The following RGS6 variants were observed in gnomAD, a reference collection of about 807,000 sequenced individuals.
The protein encoded by RGS6 is regulator of G-protein signaling 6.
Under a neutral mutation model 78.5 loss-of-function variants are expected in RGS6, and 30 were observed. That is an observed-to-expected ratio of 0.38 (90% confidence interval 0.29 to 0.52). The LOEUF is 0.52. Among genes scored for constraint, RGS6 ranks in the 20% least tolerant of loss-of-function variants. The pLI is 0.85. For synonymous variants in RGS6, 206 were observed against 206.0 expected (o/e 1.00, Z 0.00); for missense variants, 495 against 609.7 (o/e 0.81, Z 1.98).
Position 72,518,586 on chromosome 14 carries a change from T to A in RGS6, c.1278+49T>A. ...TGTCATAAGGTGTTCATTTGTCCCCTTCATTGCCTGACCTATTAACACAAG... is the reference window on the plus strand; with the variant it reads ...TGTCATAAGGTGTTCATTTGTCCCCATCATTGCCTGACCTATTAACACAAG... On this transcript the variant is annotated intron_variant, in intron 15 of 17. Transcript: ENST00000553525. The A allele has an allele frequency of 2.6e-6, 4 of 1,542,334 alleles. No homozygotes were observed. The East Asian group carries it at 9.1e-5, about 35-fold the overall frequency.
chr14:72,607,770 AG>A, the RGS6 span, among the ~76,000 whole-genome samples: 10 of 152,150 alleles, frequency 6.6e-5, no homozygotes, highest in African/African-American at 9.7e-5. Flanking sequence ...CTTTGGGTGA[AG>A]GCCTGGCCTT....
At chr14:72,239,159 ATGC>A (rs1464112477) in intron 2 of RGS6, among the ~76,000 whole-genome samples, 1 of 152,190 alleles carries the variant, frequency 6.6e-6, no homozygotes, top group African/African-American at 2.4e-5. Flanking sequence ...TTTAACGGTG[ATGC>A]TAGGACTTTC....
chr14:72,623,073 A>G, the RGS6 span, among the ~76,000 whole-genome samples: 579 of 152,368 alleles, frequency 3.8e-3, 9 homozygotes, highest in African/African-American at 0.013. Context: ...GATGGAGAAA[A>G]CATATATACT....
intron 2 of RGS6, among the ~76,000 whole-genome samples, chr14:72,237,752 G>A (rs2051502018): frequency 6.6e-6 from 1 of 152,154 alleles, no homozygotes; most frequent in African/African-American, 2.4e-5. Context: ...GGAGCATGCA[G>A]GTGAGCAGGT....
chr14:72,551,585 G>T (rs897965915), intron 17 of RGS6, among the ~76,000 whole-genome samples: 1 of 152,198 alleles, frequency 6.6e-6, no homozygotes, highest in African/African-American at 2.4e-5. Flanking sequence ...GGTCCCTTTA[G>T]TACCCACCAG....
intron 2 of RGS6, among the ~76,000 whole-genome samples, chr14:72,237,083 T>C (rs1246836444): frequency 2.0e-5 from 3 of 152,196 alleles, no homozygotes; most frequent in Non-Finnish European, 2.9e-5. Context: ...TATGTACTAT[T>C]TGGGATAAGT....
chr14:71,983,655 C>G (rs1034155780), intron 2 of RGS6, among the ~76,000 whole-genome samples: 1 of 152,182 alleles, frequency 6.6e-6, no homozygotes, highest in African/African-American at 2.4e-5. Flanking sequence ...CCTCACCTTC[C>G]TCATGTGCCT....
At chr14:72,389,264 G>C (rs933259749) in intron 3 of RGS6, among the ~76,000 whole-genome samples, 1 of 152,094 alleles carries the variant, frequency 6.6e-6, no homozygotes, top group Non-Finnish European at 1.5e-5. Context: ...AACCCCTCAG[G>C]GGTGTCTGCC....
chr14:71,983,463 A>G (rs2094551132), intron 2 of RGS6, among the ~76,000 whole-genome samples: 1 of 152,236 alleles, frequency 6.6e-6, no homozygotes, highest in African/African-American at 2.4e-5. Flanking sequence ...GACAACAGGA[A>G]TATATTCTGT....
downstream of RGS6, chr14:72,566,626 TTATCA>T (rs1174303484): frequency 9.3e-5 from 7 of 75,066 alleles, no homozygotes; most frequent in South Asian, 5.3e-4. Context: ...CCCTTCCCCA[TTATCA>T]CACACACACA....
chr14:72,380,435 C>A (rs2085767983), intron 3 of RGS6, among the ~76,000 whole-genome samples: 1 of 151,042 alleles, frequency 6.6e-6, no homozygotes. Context: ...GGTCAATATC[C>A]AGAATATGCA....
At chr14:72,249,373 G>A (rs12894979) in intron 2 of RGS6, among the ~76,000 whole-genome samples, 60,723 of 152,082 alleles carry the variant, frequency 0.4, 13,453 homozygotes, top group Non-Finnish European at 0.5. Flanking sequence ...GGTGCAGAGA[G>A]GGAGACATTC....
chr14:72,433,932 G>T (rs1208155198), intron 3 of RGS6, among the ~76,000 whole-genome samples: 2 of 152,268 alleles, frequency 1.3e-5, no homozygotes, highest in African/African-American at 4.8e-5. Context: ...TAAGCCCTAT[G>T]TAAATGTTTG....
At chr14:72,078,619 C>T (rs1219040659) in intron 2 of RGS6, among the ~76,000 whole-genome samples, 1 of 151,940 alleles carries the variant, frequency 6.6e-6, no homozygotes, top group South Asian at 2.1e-4. Context: ...TTTCACTATA[C>T]GTTAGCCAGG....
chr14:71,920,339 G>A, the RGS6 span, among the ~76,000 whole-genome samples: 1 of 152,152 alleles, frequency 6.6e-6, no homozygotes, highest in African/African-American at 2.4e-5. Flanking sequence ...ATCTGCTATA[G>A]AATAATCATA....
chr14:72,079,064 A>G (rs1013253628), intron 2 of RGS6, among the ~76,000 whole-genome samples: 1 of 152,146 alleles, frequency 6.6e-6, no homozygotes, highest in Non-Finnish European at 1.5e-5. Context: ...GATGTACCAA[A>G]ATTAAAGGAC....
chr14:72,399,111 A>G (rs1450620008), intron 3 of RGS6, among the ~76,000 whole-genome samples: 1 of 148,000 alleles, frequency 6.8e-6, no homozygotes, highest in Non-Finnish European at 1.5e-5. Flanking sequence ...TATCCTTGTT[A>G]ACTTTCTGTC....
At chr14:71,989,616 G>C (rs1252090186) in intron 2 of RGS6, among the ~76,000 whole-genome samples, 4 of 152,210 alleles carry the variant, frequency 2.6e-5, no homozygotes, top group Non-Finnish European at 5.9e-5. Flanking sequence ...TTTAGTGGCA[G>C]AGCCAGACCT....
Position 72,563,125 on chromosome 14 carries a change from C to G in RGS6, c.*658C>G, listed in dbSNP as rs1208637537. ...TTGAGATCAGCGTTCGGAGAGGTCCCCGCCAGCCCGGTGGCTGCCCTCAGG... is the reference window on the plus strand; with the variant it reads ...TTGAGATCAGCGTTCGGAGAGGTCCGCGCCAGCCCGGTGGCTGCCCTCAGG... On this transcript the variant is annotated 3_prime_UTR_variant, in exon 18 of 18. Transcript: ENST00000553525. 1 of 290,262 alleles carries G rather than the reference C, an allele frequency of 3.4e-6. No individual in the cohort carries two copies. Among genetic ancestry groups the G allele is most frequent in the East Asian group, 7.2e-5 (1 of 13,844 alleles). 18.0% of individuals were successfully genotyped at this position (290,262 alleles called of 1,614,324 possible). A position where few individuals can be genotyped will look rare whatever the true frequency, so the allele number is the denominator to read the frequency against.
Sources: gnomAD v4.1 joint callset for allele counts (sites outside exome capture counted in the v4.1 genomes callset) on GRCh38, gnomAD v4.1.1 for gene constraint, MANE v1.5 for transcripts, NCBI Gene and HGNC (gene_info 2026-07-23, HGNC 2026-07-21) for gene names.